The following TTC28 variants were observed in gnomAD, a reference collection of about 807,000 sequenced individuals.
TTC28 encodes tetratricopeptide repeat domain 28.
Under a neutral mutation model 198.0 loss-of-function variants are expected in TTC28, and 61 were observed. The observed-to-expected ratio is 0.31, with a 90% CI of 0.25 to 0.38. The LOEUF is 0.38. Among genes scored for constraint, TTC28 ranks in the 10% least tolerant of loss-of-function variants. The pLI is 1.00. For synonymous variants in TTC28, 1,171 were observed against 1,297.8 expected, an observed-to-expected ratio of 0.90 and a Z score of 2.10; for missense variants, 2,678 against 3,164.0, an observed-to-expected ratio of 0.85 and a Z score of 3.69.
intron 12 of TTC28, among the ~76,000 whole-genome samples, chr22:28,043,241 T>TAAAAAAAAAAAA (rs1939728695): frequency 5.1e-5 from 1 of 19,484 alleles, no homozygotes; most frequent in African/African-American, 2.5e-4. Flanking sequence ...AGACTCCATC[T>TAAAAAAAAAAAA]CAAAAAAAAA....
chr22:28,440,534 C>T (rs1315453525), intron 2 of TTC28, among the ~76,000 whole-genome samples: 1 of 152,092 alleles, frequency 6.6e-6, no homozygotes, highest in Non-Finnish European at 1.5e-5. Flanking sequence ...TTAGAAAAGC[C>T]AAAACTAGTA....
chr22:28,291,812 A>T (rs1302750528), intron 5 of TTC28, among the ~76,000 whole-genome samples: 1 of 152,244 alleles, frequency 6.6e-6, no homozygotes, highest in Non-Finnish European at 1.5e-5. Flanking sequence ...ACAGTAGGAA[A>T]ACAGATGAAA....
intron 2 of TTC28, among the ~76,000 whole-genome samples, chr22:28,343,470 C>T (rs1179969131): frequency 1.3e-5 from 2 of 150,426 alleles, no homozygotes; most frequent in Admixed American, 6.7e-5. Flanking sequence ...GTGGAGGTTA[C>T]ACTGAGCCAA....
chr22:28,261,614 A>G (rs1931326587), intron 5 of TTC28, among the ~76,000 whole-genome samples: 1 of 152,208 alleles, frequency 6.6e-6, no homozygotes, highest in Admixed American at 6.5e-5. Flanking sequence ...CATAAAAAGA[A>G]TTCAAATAAA....
At position 28,148,428 on chromosome 22, in the gene TTC28, A is replaced by G. The variant is rs545354785; in HGVS notation, c.1441+14664T>C. ...GGAGATCGAGACCATCCTGGCTAAC[A>G]TGGTGAAACCCCATCTCTACTAAAA... On this transcript the variant is annotated intron_variant, in intron 6 of 22. Coordinates refer to ENST00000397906, the MANE Select transcript of TTC28 (RefSeq NM_001145418.2). Among the ~76,000 whole-genome samples, 116 of 152,308 alleles carry G rather than the reference A, an allele frequency of 7.6e-4. 2 individuals carry two copies. In the South Asian group the frequency reaches 0.022, roughly 29 times the overall value.
intron 2 of TTC28, among the ~76,000 whole-genome samples, chr22:28,458,463 T>C (rs1039669882): frequency 2.0e-5 from 3 of 152,164 alleles, no homozygotes; most frequent in African/African-American, 7.2e-5. Context: ...TCCTAGATAA[T>C]CTCTCCTGAA....
At chr22:28,550,644 C>T (rs1420688812) in intron 2 of TTC28, among the ~76,000 whole-genome samples, 1 of 151,978 alleles carries the variant, frequency 6.6e-6, no homozygotes, top group African/African-American at 2.4e-5. Flanking sequence ...AAAAATGAAA[C>T]ATTAAAAAGT....
chr22:28,055,234 G>T (rs1940238836), intron 12 of TTC28, among the ~76,000 whole-genome samples: 1 of 152,168 alleles, frequency 6.6e-6, no homozygotes, highest in African/African-American at 2.4e-5. Flanking sequence ...TCCCTGCTCT[G>T]CTACGAGTCA....
intron 13 of TTC28, among the ~76,000 whole-genome samples, chr22:28,015,419 T>TAAAAAA (rs138678): frequency 1.5e-4 from 16 of 109,658 alleles, no homozygotes; most frequent in South Asian, 3.0e-4. Flanking sequence ...GAGATAGCTT[T>TAAAAAA]AAAAAAAAAA....
At chr22:28,254,421 A>G (rs1324239486) in intron 5 of TTC28, among the ~76,000 whole-genome samples, 2 of 152,136 alleles carry the variant, frequency 1.3e-5, no homozygotes, top group African/African-American at 2.4e-5. Context: ...TTACAAGGTA[A>G]TAAAGAATCA....
rs1199116279 is a variant in TTC28 at position 27,983,313 on chromosome 22, G to A, written c.6354C>T (p.Pro2118=). The change falls in exon 23 of 23, where the codon CCC becomes CCT. Residue 2118 remains proline (P), a synonymous_variant. Coordinates refer to ENST00000397906, the MANE Select transcript of TTC28 (RefSeq NM_001145418.2). The stretch of plus-strand genomic sequence containing the variant: ...TTCCCACCTTTTGGAAGGGTGAGTT[G>A]GGGCTGGGAATCAGAGTCATTTTCA... ...SPVKMTLIPS[P]NSPFQKVGKL... is the part of the protein sequence containing the mutation. 1 of 1,552,034 alleles carries A rather than the reference G, an allele frequency of 6.4e-7. No homozygotes were observed. The highest frequency in any genetic ancestry group is 2.0e-5 in the Admixed American group (1 of 50,996).
chr22:28,651,752 T>C (rs577854480), intron 1 of TTC28, among the ~76,000 whole-genome samples: 6 of 152,010 alleles, frequency 3.9e-5, no homozygotes, highest in African/African-American at 1.2e-4. Context: ...AAAAAAGTTT[T>C]TCTGATCCCT....
At chr22:28,125,958 T>G (rs1397383503) in intron 6 of TTC28, among the ~76,000 whole-genome samples, 1 of 152,186 alleles carries the variant, frequency 6.6e-6, no homozygotes, top group Non-Finnish European at 1.5e-5. Context: ...CATACCCATC[T>G]ACAATCCTTA....
intron 14 of TTC28, 69 bp from the exon 15 acceptor site, chr22:28,001,622 C>G (rs1172028621): frequency 6.7e-7 from 1 of 1,502,870 alleles, no homozygotes; most frequent in Non-Finnish European, 9.0e-7. Flanking sequence ...ACCAGGACAA[C>G]CCTGAGCCCT....
intron 5 of TTC28, among the ~76,000 whole-genome samples, chr22:28,237,758 C>T (rs1322257878): frequency 6.6e-6 from 1 of 152,178 alleles, no homozygotes; most frequent in Non-Finnish European, 1.5e-5. Context: ...CATTTTCCCT[C>T]CACCTGAAAA....
At chr22:28,618,367 G>A (rs2050935586) in intron 2 of TTC28, among the ~76,000 whole-genome samples, 2 of 151,678 alleles carry the variant, frequency 1.3e-5, no homozygotes. Flanking sequence ...GGACACAAGT[G>A]CAAACCAAAA....
chr22:28,180,269 A>C (rs1289660741), intron 5 of TTC28, among the ~76,000 whole-genome samples: 1 of 152,222 alleles, frequency 6.6e-6, no homozygotes, highest in African/African-American at 2.4e-5. Flanking sequence ...TAATGTTCAT[A>C]AACTTTGAGT....
chr22:28,422,741 A>G (rs2047279999), intron 2 of TTC28, among the ~76,000 whole-genome samples: 1 of 152,138 alleles, frequency 6.6e-6, no homozygotes, highest in Non-Finnish European at 1.5e-5. Flanking sequence ...CACCGCACCC[A>G]GCCAAATAAG....
intron 2 of TTC28, among the ~76,000 whole-genome samples, chr22:28,579,050 TTA>T (rs1281456489): frequency 6.6e-6 from 1 of 150,974 alleles, no homozygotes; most frequent in Non-Finnish European, 1.5e-5. Context: ...ATATATGTAG[TTA>T]TATGTTTAGT....
Sources: gnomAD v4.1 joint callset for allele counts (sites outside exome capture counted in the v4.1 genomes callset) on GRCh38, gnomAD v4.1.1 for gene constraint, MANE v1.5 for transcripts, NCBI Gene and HGNC (gene_info 2026-07-23, HGNC 2026-07-21) for gene names.